SNX8: variants seen among roughly 807,000 people sequenced by gnomAD.
The protein encoded by SNX8 is sorting nexin 8.
A neutral mutation model predicts 51.6 loss-of-function variants in SNX8; 25 were observed. The observed-to-expected ratio is 0.48, with a 90% CI of 0.35 to 0.68. The LOEUF (loss-of-function observed/expected upper bound fraction) is 0.68, where lower values mean the gene tolerates loss of function less well. Among genes scored for constraint, SNX8 ranks in the 30% least tolerant of loss-of-function variants. SNX8 has a pLI of 0.00. For missense variants in SNX8, 695 were observed against 624.0 expected, an observed-to-expected ratio of 1.11 and a Z score of -1.21; for synonymous variants, 324 against 277.0, an observed-to-expected ratio of 1.17 and a Z score of -1.68.
chr7:2,267,330 C>T (rs1261007316), intron 5 of SNX8, among the ~76,000 whole-genome samples: 1 of 142,618 alleles, frequency 7.0e-6, no homozygotes, highest in African/African-American at 2.6e-5. Context: ...CTCCCCCTCC[C>T]CCTCTCCCTC....
At chr7:2,312,851 G>A (rs938441842) in intron 1 of SNX8, among the ~76,000 whole-genome samples, 10 of 151,894 alleles carry the variant, frequency 6.6e-5, no homozygotes, top group Admixed American at 3.9e-4. Context: ...CCAGAAATAA[G>A]GGGCACCCTC....
chr7:2,293,401 A>G (rs1796197120), intron 1 of SNX8, among the ~76,000 whole-genome samples: 1 of 152,002 alleles, frequency 6.6e-6, no homozygotes, highest in Non-Finnish European at 1.5e-5. Flanking sequence ...CACGCCTGGA[A>G]TCCTAGCACT....
intron 1 of SNX8, among the ~76,000 whole-genome samples, chr7:2,292,381 A>C (rs1034407907): frequency 1.3e-5 from 2 of 152,138 alleles, no homozygotes; most frequent in African/African-American, 4.8e-5. Context: ...ATATAGGCAT[A>C]AATCTTCATG....
At chr7:2,275,296 A>G (rs571190895) in intron 2 of SNX8, 67 bp from the exon 3 acceptor site, 36 of 1,075,958 alleles carry the variant, frequency 3.3e-5, no homozygotes, top group East Asian at 1.4e-4. Flanking sequence ...CTTCCCCTCA[A>G]CAGAGCCCGG....
At chr7:2,346,737 CAAAAAA>C (rs143462126) in intron 1 of SNX8, among the ~76,000 whole-genome samples, 17 of 45,336 alleles carry the variant, frequency 3.7e-4, no homozygotes, top group African/African-American at 1.1e-3. Flanking sequence ...GACTCCGTCT[CAAAAAA>C]AAAAAAAAAA....
chr7:2,262,740 C>T lies in SNX8; in HGVS notation c.915+490G>A, dbSNP rs534363006. On this transcript the variant is annotated intron_variant, in intron 7 of 10. Coordinates refer to ENST00000222990, the MANE Select transcript of SNX8 (RefSeq NM_013321.4). ...GTCGCTGGCAACCCCCTCTCGAAAGCGTAAACGCTCCCAGGGAGCCACCAG... is the reference window on the plus strand; with the variant it reads ...GTCGCTGGCAACCCCCTCTCGAAAGTGTAAACGCTCCCAGGGAGCCACCAG... 1.7e-3 allele frequency among the ~76,000 whole-genome samples: 262 copies of T among 152,360 alleles called. 4 individuals are homozygous for T. The highest frequency in any genetic ancestry group is 0.014 in the Admixed American group (220 of 15,306).
At chr7:2,347,023 A>G (rs74881491) in intron 1 of SNX8, among the ~76,000 whole-genome samples, 3,250 of 152,088 alleles carry the variant, frequency 0.021, 126 homozygotes, top group African/African-American at 0.074. Flanking sequence ...CAAGCATCAT[A>G]GGGCAGAAAG....
intron 1 of SNX8, among the ~76,000 whole-genome samples, chr7:2,350,097 G>C (rs1441270918): frequency 2.0e-5 from 3 of 152,114 alleles, no homozygotes; most frequent in Admixed American, 2.0e-4. Context: ...CTTCCTCAAA[G>C]ACATGAAATC....
intron 10 of SNX8, among the ~76,000 whole-genome samples, chr7:2,255,899 G>A (rs1266429974): frequency 6.6e-6 from 1 of 152,244 alleles, no homozygotes; most frequent in Non-Finnish European, 1.5e-5. Context: ...CAGGGGCTCA[G>A]GTGGCCAGAG....
chr7:2,279,762 GAAAAAA>G (rs796698660), intron 1 of SNX8, among the ~76,000 whole-genome samples: 2 of 94,984 alleles, frequency 2.1e-5, no homozygotes, highest in African/African-American at 3.9e-5. Context: ...CAAAAAAAAA[GAAAAAA>G]AAAAAAAAAA....
chr7:2,342,433 C>T (rs1453193888), intron 1 of SNX8, among the ~76,000 whole-genome samples: 1 of 152,072 alleles, frequency 6.6e-6, no homozygotes, highest in East Asian at 1.9e-4. Flanking sequence ...GAGGGCGGAT[C>T]ACTTGAGGTC....
chr7:2,320,168 C>G (rs1796810900), intron 1 of SNX8, among the ~76,000 whole-genome samples: 1 of 151,794 alleles, frequency 6.6e-6, no homozygotes, highest in Non-Finnish European at 1.5e-5. Flanking sequence ...CCAGCCTGAC[C>G]AACATGAAGA....
At chr7:2,327,717 T>C (rs1221642961) in intron 1 of SNX8, among the ~76,000 whole-genome samples, 2 of 151,222 alleles carry the variant, frequency 1.3e-5, no homozygotes, top group African/African-American at 4.9e-5. Flanking sequence ...TAATTTTTTG[T>C]ATTTTAAGTA....
intron 1 of SNX8, among the ~76,000 whole-genome samples, chr7:2,314,024 C>A (rs965525304): frequency 1.3e-5 from 2 of 152,218 alleles, no homozygotes; most frequent in African/African-American, 4.8e-5. Context: ...TCCCCGAGGA[C>A]GCCTCTGAGA....
At chr7:2,325,940 CG>C (rs1208329257) in intron 1 of SNX8, among the ~76,000 whole-genome samples, 87 of 152,076 alleles carry the variant, frequency 5.7e-4, no homozygotes, top group African/African-American at 2.0e-3. Context: ...GAAATCTTAG[CG>C]GGAATGTATC....
intron 1 of SNX8, among the ~76,000 whole-genome samples, chr7:2,285,254 TG>T (rs1185453326): frequency 1.3e-5 from 2 of 148,428 alleles, no homozygotes; most frequent in Non-Finnish European, 3.0e-5. Flanking sequence ...TTAGGCATGG[TG>T]GCGGGCGCCT....
rs926650433 is a variant in SNX8, at chr7:2,256,807, T to G, written c.1284+67A>C. The G allele has an allele frequency of 1.4e-5, 21 of 1,528,178 alleles. No homozygotes were observed. In the Admixed American group the frequency reaches 3.7e-4, roughly 27 times the overall value. 94.7% of individuals were successfully genotyped at this position (1,528,178 alleles called of 1,614,324 possible). On this transcript the variant is annotated intron_variant, in intron 10 of 10. Transcript: ENST00000222990. Reference sequence around the variant, plus strand: ...CGGCCGGCCACCGCGCTGCCGGGCTTGAAGGAAGGGCGGAGGGACAAAGAA... The same window carrying G: ...CGGCCGGCCACCGCGCTGCCGGGCTGGAAGGAAGGGCGGAGGGACAAAGAA...
intron 3 of SNX8, among the ~76,000 whole-genome samples, chr7:2,273,991 C>G (rs4721537): frequency 1.5e-3 from 224 of 152,328 alleles, no homozygotes; most frequent in Admixed American, 3.4e-3. Context: ...ACTGGCAGGC[C>G]TCTTCCGATG....
intron 10 of SNX8, among the ~76,000 whole-genome samples, chr7:2,255,755 A>G (rs1381226172): frequency 6.6e-6 from 1 of 152,256 alleles, no homozygotes; most frequent in African/African-American, 2.4e-5. Context: ...CACCAAATCA[A>G]TAATACCCAA....
Sources: gnomAD v4.1 joint callset for allele counts (sites outside exome capture counted in the v4.1 genomes callset) on GRCh38, gnomAD v4.1.1 for gene constraint, MANE v1.5 for transcripts, NCBI Gene and HGNC (gene_info 2026-07-23, HGNC 2026-07-21) for gene names.